CD9: variants seen among roughly 807,000 people sequenced by gnomAD.
CD9 encodes CD9 antigen.
A neutral mutation model predicts 31.4 loss-of-function variants in CD9; 10 were observed. The ratio of observed to expected loss-of-function variants is 0.32; its 90% CI spans 0.20 to 0.54. The LOEUF (loss-of-function observed/expected upper bound fraction) is 0.54, where lower values mean the gene tolerates loss of function less well. Among genes scored for constraint, CD9 ranks in the 20% least tolerant of loss-of-function variants. The probability of loss-of-function intolerance (pLI) is 0.94; values close to 1 mark genes in which losing one functional copy is unlikely to be tolerated. For missense variants in CD9, 259 were observed against 300.1 expected, an observed-to-expected ratio of 0.86 and a Z score of 1.01; for synonymous variants, 113 against 114.1, an observed-to-expected ratio of 0.99 and a Z score of 0.06.
intron 7 of CD9, among the ~76,000 whole-genome samples, chr12:6,237,530 A>G (rs1246885221): frequency 6.6e-6 from 1 of 152,270 alleles, no homozygotes; most frequent in East Asian, 1.9e-4. Context: ...AAGTTCTCCA[A>G]GGAAAATGCT....
upstream of CD9, chr12:6,200,362 G>A (rs1946060551): frequency 7.2e-6 from 4 of 559,336 alleles, no homozygotes; most frequent in Non-Finnish European, 1.3e-5. Flanking sequence ...GCCCTAAGGA[G>A]TGGCACTTTT....
At position 6,216,997 on chromosome 12, in the gene CD9, C is replaced by T. The variant is rs535589705; in HGVS notation, c.67-8429C>T. Among the ~76,000 whole-genome samples, 11 of 152,298 alleles carry T rather than the reference C, an allele frequency of 7.2e-5. 1 individual carries two copies. The East Asian group carries it at 1.2e-3, about 16-fold the overall frequency. On this transcript the variant is annotated intron_variant, in intron 1 of 7. Coordinates refer to ENST00000009180, the MANE Select transcript of CD9 (RefSeq NM_001769.4). ...TTATTTAATCCTCTCCTTCAACCTA[C>T]GTTGAAGGCAGGACAGGTATCATAC...
intron 1 of CD9, among the ~76,000 whole-genome samples, chr12:6,216,732 C>G (rs900129202): frequency 3.3e-5 from 5 of 152,156 alleles, no homozygotes; most frequent in Non-Finnish European, 5.9e-5. Flanking sequence ...ACCCAGCGCT[C>G]ACACAGACTC....
intron 2 of CD9, among the ~76,000 whole-genome samples, chr12:6,227,910 G>A (rs148252326): frequency 0.017 from 2,592 of 152,324 alleles, 27 homozygotes; most frequent in South Asian, 0.035. Flanking sequence ...AAGCTGCAGG[G>A]TGGCAGGAGA....
intron 2 of CD9, among the ~76,000 whole-genome samples, chr12:6,229,963 G>A (rs10849423): frequency 0.039 from 5,879 of 152,120 alleles, 335 homozygotes; most frequent in African/African-American, 0.13. Flanking sequence ...GCTAACATTC[G>A]CTTGTTTTAT....
At chr12:6,204,328 G>A (rs1946107210) in intron 1 of CD9, among the ~76,000 whole-genome samples, 1 of 152,132 alleles carries the variant, frequency 6.6e-6, no homozygotes, top group Non-Finnish European at 1.5e-5. Context: ...CACATTAAAA[G>A]CCCAGACTTC....
intron 1 of CD9, among the ~76,000 whole-genome samples, chr12:6,215,091 C>T (rs2136611989): frequency 6.6e-6 from 1 of 152,238 alleles, no homozygotes; most frequent in African/African-American, 2.4e-5. Context: ...GCTCACAGTG[C>T]TGGTCAAAGC....
chr12:6,225,820 G>T, intron 2 of CD9: 1 of 413,144 alleles, frequency 2.4e-6, no homozygotes, highest in East Asian at 4.8e-5. Context: ...ATTCTTGAGG[G>T]TTTACGAACC....
At chr12:6,215,054 A>T (rs934987263) in intron 1 of CD9, among the ~76,000 whole-genome samples, 23 of 152,096 alleles carry the variant, frequency 1.5e-4, no homozygotes, top group African/African-American at 5.1e-4. Flanking sequence ...CCGCATTTCC[A>T]GGGTGACCCC....
At chr12:6,235,929 A>G (rs962135125) in intron 6 of CD9, 17 of 1,391,966 alleles carry the variant, frequency 1.2e-5, no homozygotes, top group Admixed American at 9.5e-5. Context: ...CCTTACAACC[A>G]TGTCAGAAAT....
chr12:6,210,940 G>A (rs966230069), intron 1 of CD9, among the ~76,000 whole-genome samples: 5 of 151,368 alleles, frequency 3.3e-5, no homozygotes, highest in East Asian at 2.0e-4. Flanking sequence ...GGGTTCAAGC[G>A]ATTGAACAGC....
chr12:6,213,823 G>A (rs1324508103), intron 1 of CD9, among the ~76,000 whole-genome samples: 2 of 152,128 alleles, frequency 1.3e-5, no homozygotes, highest in South Asian at 2.1e-4. Flanking sequence ...GAGAAGCTAC[G>A]GGCCAGCATC....
chr12:6,225,987 A>C (rs1014491912), intron 2 of CD9, among the ~76,000 whole-genome samples: 1 of 152,170 alleles, frequency 6.6e-6, no homozygotes, highest in Admixed American at 6.5e-5. Flanking sequence ...ACTGGGAAAA[A>C]CATCAGCCTC....
chr12:6,209,679 CTT>C (rs71064199), intron 1 of CD9, among the ~76,000 whole-genome samples: 2 of 132,614 alleles, frequency 1.5e-5, no homozygotes, highest in African/African-American at 5.8e-5. Context: ...CTGCAAATTT[CTT>C]TTTTTTTTTT....
intron 1 of CD9, among the ~76,000 whole-genome samples, chr12:6,208,667 G>A (rs1197007507): frequency 2.0e-5 from 3 of 151,996 alleles, no homozygotes; most frequent in African/African-American, 7.3e-5. Context: ...CGCCTCCTGA[G>A]TTCAAGCCAT....
Position 6,232,818 on chromosome 12 carries a change from G to C in CD9, c.273+89G>C. On this transcript the variant is annotated intron_variant, in intron 3 of 7. Transcript: ENST00000009180. This position sits in a 1 kb window ranked among gnomAD's most constrained non-coding sequence, Gnocchi z 4.8. ...CCAGACCCAGACCACAGAACAGATGGAGGGGGATGGGGTCAGGAAGGTACC... is the reference window on the plus strand; with the variant it reads ...CCAGACCCAGACCACAGAACAGATGCAGGGGGATGGGGTCAGGAAGGTACC... 1.1e-6 allele frequency: 1 copy of C among 883,250 alleles called. No homozygotes were observed. Among genetic ancestry groups the C allele is most frequent in the East Asian group, 2.6e-5 (1 of 37,948 alleles). The allele number at this position is 883,250 out of a possible 1,614,324, so 54.7% of individuals were successfully genotyped here.
At chr12:6,214,597 C>G (rs922470581) in intron 1 of CD9, among the ~76,000 whole-genome samples, 4 of 152,064 alleles carry the variant, frequency 2.6e-5, no homozygotes, top group Admixed American at 1.3e-4. Context: ...ATTCCGCCCC[C>G]CTCTCAGCCT....
At chr12:6,203,518 T>C (rs898179750) in intron 1 of CD9, among the ~76,000 whole-genome samples, 1 of 151,860 alleles carries the variant, frequency 6.6e-6, no homozygotes, top group African/African-American at 2.4e-5. Flanking sequence ...CTCAGTGGAG[T>C]AGGATGGTTA....
chr12:6,215,060 A>G (rs753813363), intron 1 of CD9, among the ~76,000 whole-genome samples: 5 of 151,488 alleles, frequency 3.3e-5, no homozygotes, highest in Non-Finnish European at 7.4e-5. Flanking sequence ...TTCCAGGGTG[A>G]CCCCAGGTTC....
Sources: gnomAD v4.1 joint callset for allele counts (sites outside exome capture counted in the v4.1 genomes callset) on GRCh38, gnomAD v4.1.1 for gene constraint, Gnocchi (gnomAD v3.1) non-coding constraint, MANE v1.5 for transcripts, NCBI Gene and HGNC (gene_info 2026-07-23, HGNC 2026-07-21) for gene names.